The following NOS1AP variants were observed in gnomAD, a reference collection of about 807,000 sequenced individuals.
The protein encoded by NOS1AP is nitric oxide synthase 1 adaptor protein.
Under a neutral mutation model 56.2 loss-of-function variants are expected in NOS1AP, and 21 were observed. The ratio of observed to expected loss-of-function variants is 0.37; its 90% CI spans 0.26 to 0.54. The LOEUF is 0.54. NOS1AP is among the 20% of genes least tolerant of loss of function. The probability of loss-of-function intolerance (pLI) is 0.84; values close to 1 mark genes in which losing one functional copy is unlikely to be tolerated. For missense variants in NOS1AP, 522 were observed against 657.8 expected (o/e 0.79, Z 2.26); for synonymous variants, 270 against 274.6 (o/e 0.98, Z 0.17).
intron 1 of NOS1AP, among the ~76,000 whole-genome samples, chr1:162,106,627 T>A (rs1464296524): frequency 6.6e-6 from 1 of 152,210 alleles, no homozygotes; most frequent in Non-Finnish European, 1.5e-5. Flanking sequence ...CACAAATGGC[T>A]TATAATACTA....
chr1:162,178,690 A>G (rs1256095018), intron 2 of NOS1AP, among the ~76,000 whole-genome samples: 1 of 152,208 alleles, frequency 6.6e-6, no homozygotes, highest in Admixed American at 6.5e-5. Context: ...CCAGCTAGAA[A>G]GGGCTCATCC....
intron 2 of NOS1AP, among the ~76,000 whole-genome samples, chr1:162,284,819 A>G (rs1472921511): frequency 2.6e-5 from 4 of 152,238 alleles, no homozygotes; most frequent in Admixed American, 1.3e-4. Context: ...TGCTCGGGTA[A>G]GAAATCATGA....
At chr1:162,121,540 T>C (rs7538490) in intron 1 of NOS1AP, among the ~76,000 whole-genome samples, 105,559 of 151,932 alleles carry the variant, frequency 0.69, 37,112 homozygotes, top group African/African-American at 0.74. Flanking sequence ...CAGAGGAAGA[T>C]GGTGGAGGAC....
At chr1:162,190,561 G>C (rs1431281535) in intron 2 of NOS1AP, among the ~76,000 whole-genome samples, 2 of 151,958 alleles carry the variant, frequency 1.3e-5, no homozygotes, top group African/African-American at 4.8e-5. Flanking sequence ...GATCAGATCA[G>C]GATAATTAGC....
At chr1:162,362,256 G>C (rs1657926908) in intron 8 of NOS1AP, among the ~76,000 whole-genome samples, 1 of 152,108 alleles carries the variant, frequency 6.6e-6, no homozygotes, top group African/African-American at 2.4e-5. Context: ...TTTGAGACCA[G>C]CCCGGCCAAC....
intron 1 of NOS1AP, among the ~76,000 whole-genome samples, chr1:162,106,528 A>G (rs1440797934): frequency 6.6e-6 from 1 of 152,006 alleles, no homozygotes; most frequent in Admixed American, 6.6e-5. Flanking sequence ...AATGTTTCTC[A>G]TCTTCTCTAT....
Position 162,287,379 on chromosome 1 carries a change from A to C in NOS1AP, c.213A>C (p.Lys71Asn). The part of the protein sequence containing the change: ...EFKAKNIKKK[K>N]VSIMVSVDGV... ...AAGCCAAGAACATCAAGAAGAAGAA[A>C]GTGAGCATTATGGTTTCAGTGGATG... The change falls in exon 3 of 10, where the codon AAA (lysine) becomes AAC (asparagine). Residue 71 changes from lysine (K) to asparagine (N), a missense_variant. Coordinates refer to ENST00000361897, the MANE Select transcript of NOS1AP (RefSeq NM_014697.3). 1 of 1,613,724 alleles carries C rather than the reference A, an allele frequency of 6.2e-7. No individual in the cohort carries two copies. Among genetic ancestry groups the C allele is most frequent in the African/African-American group, 1.3e-5 (1 of 75,036 alleles).
chr1:162,079,542 C>T (rs143893684), intron 1 of NOS1AP, among the ~76,000 whole-genome samples: 2 of 152,266 alleles, frequency 1.3e-5, no homozygotes, highest in East Asian at 3.9e-4. Flanking sequence ...TCACTTGCTA[C>T]TTGACTTTGT....
intron 6 of NOS1AP, among the ~76,000 whole-genome samples, chr1:162,353,877 G>A (rs1429343342): frequency 1.3e-5 from 2 of 152,182 alleles, no homozygotes; most frequent in East Asian, 1.9e-4. Context: ...TAGAAAGCAG[G>A]CTGCTCCCTG....
chr1:162,100,856 A>T (rs12727141), intron 1 of NOS1AP, among the ~76,000 whole-genome samples: 77,018 of 151,818 alleles, frequency 0.51, 21,679 homozygotes, highest in Non-Finnish European at 0.64. Flanking sequence ...AGATGAATAG[A>T]TTGCAAAAAT....
chr1:162,154,329 T>G (rs1000862617), intron 1 of NOS1AP, 76 bp from the exon 2 acceptor site: 2 of 1,342,006 alleles, frequency 1.5e-6, no homozygotes, highest in Non-Finnish European at 2.1e-6. Flanking sequence ...AGCTAGTCCT[T>G]TACCCTTTGG....
At chr1:162,339,913 A>G (rs1657055945) in intron 5 of NOS1AP, among the ~76,000 whole-genome samples, 1 of 152,188 alleles carries the variant, frequency 6.6e-6, no homozygotes, top group Admixed American at 6.5e-5. Flanking sequence ...AGGTCCCCAT[A>G]TAGAATCCTC....
chr1:162,201,659 G>A (rs576531403), intron 2 of NOS1AP, among the ~76,000 whole-genome samples: 6 of 152,134 alleles, frequency 3.9e-5, no homozygotes, highest in African/African-American at 7.2e-5. Flanking sequence ...GGTGTTAGAT[G>A]GTATCTCATT....
At chr1:162,344,526 C>T (rs774361691) in intron 6 of NOS1AP, among the ~76,000 whole-genome samples, 1 of 151,942 alleles carries the variant, frequency 6.6e-6, no homozygotes, top group Non-Finnish European at 1.5e-5. Flanking sequence ...CAAATCCCTG[C>T]CATGTTGCCT....
intron 2 of NOS1AP, among the ~76,000 whole-genome samples, chr1:162,163,400 C>T (rs972270555): frequency 2.0e-5 from 3 of 152,138 alleles, no homozygotes; most frequent in Non-Finnish European, 4.4e-5. Flanking sequence ...GACAGCAGGA[C>T]CTAATTTTTT....
intron 2 of NOS1AP, among the ~76,000 whole-genome samples, chr1:162,285,385 T>C (rs1396228347): frequency 6.6e-6 from 1 of 152,194 alleles, no homozygotes; most frequent in Non-Finnish European, 1.5e-5. Context: ...GACTTGCAGA[T>C]TGTAATGCCG....
At chr1:162,223,025 T>A (rs1409144474) in intron 2 of NOS1AP, among the ~76,000 whole-genome samples, 2 of 152,250 alleles carry the variant, frequency 1.3e-5, no homozygotes, top group African/African-American at 4.8e-5. Flanking sequence ...TTATTGGTAA[T>A]AATGCAGTCT....
chr1:162,340,213 G>C (rs1349117201), intron 5 of NOS1AP, among the ~76,000 whole-genome samples: 2 of 152,032 alleles, frequency 1.3e-5, no homozygotes, highest in African/African-American at 4.8e-5. Context: ...GTAAAATAAA[G>C]GATAAATTAA....
At position 162,189,106 on chromosome 1, in the gene NOS1AP, T is replaced by C. The variant is rs146339692; in HGVS notation, c.177+34630T>C. Among the ~76,000 whole-genome samples, 424 of 152,314 alleles carry C rather than the reference T, an allele frequency of 2.8e-3. 2 individuals carry two copies. Among genetic ancestry groups the C allele is most frequent in the African/African-American group, 9.7e-3 (403 of 41,570 alleles). On this transcript the variant is annotated intron_variant, in intron 2 of 9. Transcript: ENST00000361897. ...AAAAAGATTATTTTAGTGTTTTTCA[T>C]GTATATGAAGTTTGAATTTGCATTA... is the stretch of plus-strand genomic sequence containing the variant.
Sources: gnomAD v4.1 joint callset for allele counts (sites outside exome capture counted in the v4.1 genomes callset) on GRCh38, gnomAD v4.1.1 for gene constraint, MANE v1.5 for transcripts, NCBI Gene and HGNC (gene_info 2026-07-23, HGNC 2026-07-21) for gene names.